DLG2: variants seen among roughly 807,000 people sequenced by gnomAD.
DLG2 encodes discs large MAGUK scaffold protein 2.
DLG2 carries 45 observed loss-of-function variants against 132.5 expected under a neutral mutation model. That is an observed-to-expected ratio of 0.34 (90% CI 0.27 to 0.44). DLG2 has a LOEUF of 0.44. Ranked by LOEUF, DLG2 falls within the 20% of genes least tolerant of loss-of-function variation. The pLI is 1.00. For synonymous variants in DLG2, 424 were observed against 419.6 expected, an observed-to-expected ratio of 1.01 and a Z score of -0.13; for missense variants, 1,045 against 1,196.9, an observed-to-expected ratio of 0.87 and a Z score of 1.87.
intron 6 of DLG2, among the ~76,000 whole-genome samples, chr11:84,586,508 G>A (rs1219926656): frequency 6.6e-6 from 1 of 152,128 alleles, no homozygotes; most frequent in Non-Finnish European, 1.5e-5. Flanking sequence ...AAGATCAAGT[G>A]TAGGCTTCTG....
chr11:84,386,996 T>C (rs1337599248), intron 7 of DLG2, among the ~76,000 whole-genome samples: 1 of 152,122 alleles, frequency 6.6e-6, no homozygotes, highest in African/African-American at 2.4e-5. Context: ...AAGCTTCCTT[T>C]AGAAGATTCT....
intron 6 of DLG2, among the ~76,000 whole-genome samples, chr11:84,594,221 C>T (rs1422153730): frequency 1.3e-5 from 2 of 152,130 alleles, no homozygotes; most frequent in African/African-American, 4.8e-5. Flanking sequence ...TTCTTTAGCC[C>T]TGGTAAGAAA....
intron 5 of DLG2, among the ~76,000 whole-genome samples, chr11:85,132,320 A>G (rs1213280143): frequency 6.6e-6 from 1 of 152,196 alleles, no homozygotes; most frequent in East Asian, 1.9e-4. Context: ...ATCAGAAGCA[A>G]TATGTCAAGT....
chr11:84,798,918 G>C (rs939409843), intron 6 of DLG2, among the ~76,000 whole-genome samples: 1 of 152,066 alleles, frequency 6.6e-6, no homozygotes, highest in Non-Finnish European at 1.5e-5. Context: ...CCCCATCCTA[G>C]TGTGCCTAAG....
chr11:84,693,459 A>G (rs75426605), intron 6 of DLG2, among the ~76,000 whole-genome samples: 2,733 of 151,858 alleles, frequency 0.018, 52 homozygotes, highest in African/African-American at 0.042. Flanking sequence ...AGAGAATTCT[A>G]TAACCTGAAA....
chr11:83,955,932 G>A (rs1331583879), intron 14 of DLG2, among the ~76,000 whole-genome samples: 1 of 152,156 alleles, frequency 6.6e-6, no homozygotes. Flanking sequence ...TTTGGGACTT[G>A]GACTGGCTTC....
chr11:83,929,785 T>A (rs548053716), intron 15 of DLG2, among the ~76,000 whole-genome samples: 1 of 152,298 alleles, frequency 6.6e-6, no homozygotes, highest in East Asian at 1.9e-4. Flanking sequence ...TAATTTTACG[T>A]TCCGTGTGGT....
Position 84,458,031 on chromosome 11 carries a change from T to C in DLG2, c.519+76539A>G, listed in dbSNP as rs1038782818. On this transcript the variant is annotated intron_variant, in intron 7 of 27. Transcript: ENST00000376104. Reference sequence around the variant, plus strand: ...ACGTAAATGATAGTAAATTGGTATATTGCTTTCTGTATACAGGTACAGATA... The same window carrying C: ...ACGTAAATGATAGTAAATTGGTATACTGCTTTCTGTATACAGGTACAGATA... 2.6e-4 allele frequency among the ~76,000 whole-genome samples: 40 copies of C among 151,000 alleles called. 1 individual carries two copies. Among genetic ancestry groups the C allele is most frequent in the Admixed American group, 2.5e-3 (38 of 15,098 alleles).
intron 18 of DLG2, among the ~76,000 whole-genome samples, chr11:83,678,540 T>C (rs954384375): frequency 6.6e-6 from 1 of 152,118 alleles, no homozygotes; most frequent in Admixed American, 6.6e-5. Flanking sequence ...CCTACCCTCA[T>C]GCAAATAGAA....
chr11:84,091,130 T>C (rs1247036226), intron 10 of DLG2, among the ~76,000 whole-genome samples: 2 of 152,214 alleles, frequency 1.3e-5, no homozygotes, highest in African/African-American at 4.8e-5. Context: ...TTCTTTATTT[T>C]ATATTTATTA....
chr11:84,544,461 A>G (rs2099385544), intron 6 of DLG2, among the ~76,000 whole-genome samples: 1 of 152,224 alleles, frequency 6.6e-6, no homozygotes, highest in African/African-American at 2.4e-5. Context: ...TTTCCAAATG[A>G]GAAAACAGAG....
At chr11:85,226,299 G>A (rs1026527702) in intron 4 of DLG2, among the ~76,000 whole-genome samples, 1 of 151,968 alleles carries the variant, frequency 6.6e-6, no homozygotes, top group African/African-American at 2.4e-5. Flanking sequence ...TGCATGGATG[G>A]ATAGATAAAT....
intron 4 of DLG2, among the ~76,000 whole-genome samples, chr11:85,220,637 A>AAAAAAAAT (rs371263007): frequency 1.2e-4 from 18 of 148,316 alleles, no homozygotes; most frequent in East Asian, 5.9e-4. Context: ...TAGAAAAAAA[A>AAAAAAAAT]ATATATATAT....
chr11:85,026,807 A>G (rs1193627011), intron 6 of DLG2, among the ~76,000 whole-genome samples: 1 of 152,134 alleles, frequency 6.6e-6, no homozygotes, highest in East Asian at 1.9e-4. Flanking sequence ...ACTGCACTCC[A>G]GCCTGGGTGA....
chr11:83,710,602 A>C (rs187974122), intron 18 of DLG2, among the ~76,000 whole-genome samples: 3 of 152,344 alleles, frequency 2.0e-5, no homozygotes, highest in Admixed American at 1.3e-4. Context: ...GAGACTAATT[A>C]ACAACAATAT....
chr11:83,493,327 T>TTTTC (rs982669532), intron 21 of DLG2, among the ~76,000 whole-genome samples: 11 of 144,448 alleles, frequency 7.6e-5, no homozygotes, highest in East Asian at 4.2e-4. Context: ...TTCCTTTGTC[T>TTTTC]TTTCTTTCTT....
intron 19 of DLG2, among the ~76,000 whole-genome samples, chr11:83,611,886 A>G (rs1171821995): frequency 1.3e-5 from 2 of 152,064 alleles, no homozygotes. Context: ...GTTCTCCAGG[A>G]GCCAGTTTAC....
chr11:84,491,473 T>A (rs914752351), intron 7 of DLG2, among the ~76,000 whole-genome samples: 1 of 152,118 alleles, frequency 6.6e-6, no homozygotes, highest in Non-Finnish European at 1.5e-5. Context: ...CAGTCTTGGG[T>A]ATGTCTTTAT....
chr11:83,602,965 G>T (rs11233692), intron 19 of DLG2, among the ~76,000 whole-genome samples: 1 of 151,742 alleles, frequency 6.6e-6, no homozygotes, highest in Non-Finnish European at 1.5e-5. Context: ...CATACACTCA[G>T]TCTAGGCCTA....
Sources: gnomAD v4.1 joint callset for allele counts (sites outside exome capture counted in the v4.1 genomes callset) on GRCh38, gnomAD v4.1.1 for gene constraint, MANE v1.5 for transcripts, NCBI Gene and HGNC (gene_info 2026-07-23, HGNC 2026-07-21) for gene names.